Variants in RASSF4 observed in about 807,000 individuals in gnomAD.
RASSF4 encodes ras association domain-containing protein 4.
RASSF4 carries 38 observed loss-of-function variants against 41.1 expected under a neutral mutation model. That is an observed-to-expected ratio of 0.92 (90% CI 0.71 to 1.21). The LOEUF (loss-of-function observed/expected upper bound fraction) is 1.21. Ranked by LOEUF, RASSF4 falls within the 50% of genes most tolerant of loss-of-function variation. The pLI is 0.00. For missense variants in RASSF4, 414 were observed against 419.4 expected (o/e 0.99, Z 0.11); for synonymous variants, 179 against 163.4 (o/e 1.10, Z -0.73).
intron 1 of RASSF4, among the ~76,000 whole-genome samples, chr10:44,969,822 C>A (rs1422205580): frequency 6.6e-6 from 1 of 152,200 alleles, no homozygotes; most frequent in Non-Finnish European, 1.5e-5. Flanking sequence ...GCAACCGAGG[C>A]AGAAGCCAGT....
intron 1 of RASSF4, among the ~76,000 whole-genome samples, chr10:44,961,046 G>A (rs563249697): frequency 3.3e-5 from 5 of 152,194 alleles, no homozygotes; most frequent in Admixed American, 2.0e-4. Context: ...GGAGAAAGAG[G>A]AAGGGAGGGA....
chr10:44,977,410 C>T (rs764926930), intron 3 of RASSF4: 23 of 1,588,492 alleles, frequency 1.4e-5, no homozygotes, highest in Admixed American at 1.4e-4. Flanking sequence ...CATGGATCAC[C>T]GGGAGGTGCG....
chr10:44,971,165 G>T (rs1841139384), intron 2 of RASSF4: 2 of 305,706 alleles, frequency 6.5e-6, no homozygotes, highest in South Asian at 5.6e-5. Context: ...TCAGGCAGCT[G>T]TCCAGGCCTC....
In RASSF4 at chr10:44,984,866, G is replaced by A. The variant is rs377064821; in HGVS notation, c.427G>A (p.Ala143Thr). 8.8e-5 allele frequency: 142 copies of A among 1,613,656 alleles called. No homozygotes were observed. The South Asian group carries it at 1.2e-3, about 14-fold the overall frequency. Residue 143 changes from alanine (A) to threonine (T), a missense_variant, in exon 6 of 11, where the codon GCC becomes ACC. By Grantham distance (58) the Ala-to-Thr change is moderately conservative. Coordinates refer to ENST00000340258, the MANE Select transcript of RASSF4 (RefSeq NM_032023.4). ...CCAGCTGATGCGGACCAAGAGCGAC[G>A]CCAGTTGCATGAGCCAGAGGAGGCC... ...APQLMRTKSD[A>T]SCMSQRRPKC...
intron 1 of RASSF4, among the ~76,000 whole-genome samples, chr10:44,968,575 TGA>T (rs1278959795): frequency 1.3e-5 from 2 of 152,176 alleles, no homozygotes; most frequent in Non-Finnish European, 2.9e-5. Context: ...CATGCAGGGC[TGA>T]TGCTAGCACA....
chr10:44,972,293 T>C (rs1489064483), intron 3 of RASSF4, among the ~76,000 whole-genome samples: 1 of 152,144 alleles, frequency 6.6e-6, no homozygotes, highest in Admixed American at 6.5e-5. Context: ...TACTCTCATT[T>C]GTAAAGTGGG....
chr10:44,984,430 C>T (rs1841840249), intron 5 of RASSF4: 3 of 490,216 alleles, frequency 6.1e-6, no homozygotes, highest in Non-Finnish European at 1.1e-5. Context: ...CCTCACCTCC[C>T]TCTGCGACCT....
chr10:44,970,020 G>T, intron 1 of RASSF4, 145 bp from the exon 2 acceptor site: 1 of 621,392 alleles, frequency 1.6e-6, no homozygotes, highest in Non-Finnish European at 2.9e-6. Context: ...GTCTGGGCCA[G>T]ACCCTTTCAG....
chr10:44,976,020 C>G (rs1199084259), intron 3 of RASSF4: 1 of 152,204 alleles, frequency 6.6e-6, no homozygotes. Context: ...CTGGATCTCT[C>G]CCGAGGATGA....
In RASSF4 at chr10:44,982,541, C is replaced by T. The variant is rs756225138; in HGVS notation, c.159C>T (p.Ile53=). 10 of 1,611,918 alleles carry T rather than the reference C, an allele frequency of 6.2e-6. No homozygotes were observed. Among genetic ancestry groups the T allele is most frequent in the African/African-American group, 1.3e-5 (1 of 74,908 alleles). Residue 53 remains isoleucine (I), a synonymous_variant, in exon 4 of 11, where the codon ATC becomes ATT. Coordinates refer to ENST00000340258, the MANE Select transcript of RASSF4 (RefSeq NM_032023.4). ...CACAGGAAGAAGGGACTCTGATCAT[C>T]GAGGGGCTCCTCAACATTGCCTGGG... is the stretch of plus-strand genomic sequence containing the variant. The part of the protein sequence containing the change: ...RHREEEGTLI[I]EGLLNIAWGL...
chr10:44,982,494 G>A, intron 3 of RASSF4, 27 bp from the exon 4 acceptor site: 9 of 1,606,540 alleles, frequency 5.6e-6, no homozygotes, highest in Non-Finnish European at 7.7e-6. Context: ...TGCTCTGGGG[G>A]AAGGGCTGAT....
At chr10:44,970,839 AG>A (rs1327253643) in intron 2 of RASSF4, 4 of 154,910 alleles carry the variant, frequency 2.6e-5, no homozygotes, top group African/African-American at 9.6e-5. Flanking sequence ...TGGCGAAAGC[AG>A]GAGCAAGAGA....
chr10:44,991,358 G>A (rs975809356), intron 9 of RASSF4: 1 of 312,556 alleles, frequency 3.2e-6, no homozygotes, highest in Non-Finnish European at 5.9e-6. Flanking sequence ...AATGTATTTT[G>A]TTGTCATTAT....
intron 3 of RASSF4, among the ~76,000 whole-genome samples, chr10:44,972,204 A>G (rs1365655695): frequency 2.0e-5 from 3 of 151,992 alleles, no homozygotes; most frequent in African/African-American, 7.3e-5. Context: ...TCAGCGGACA[A>G]GAGGAGTCAG....
At chr10:44,980,791 C>G (rs1841676479) in intron 3 of RASSF4, 1 of 152,406 alleles carries the variant, frequency 6.6e-6, no homozygotes, top group Admixed American at 6.5e-5. Context: ...GCCATCCCCA[C>G]AAGCTCTCTC....
At chr10:44,993,220 C>A in intron 10 of RASSF4, 49 bp from the exon 11 acceptor site, 1 of 1,565,738 alleles carries the variant, frequency 6.4e-7, no homozygotes, top group East Asian at 2.2e-5. Flanking sequence ...TGCCCACCTC[C>A]CTGCCCTGTC....
chr10:44,967,440 A>C (rs1840946434), intron 1 of RASSF4, among the ~76,000 whole-genome samples: 5 of 152,174 alleles, frequency 3.3e-5, no homozygotes. Context: ...CCAGCCAGCC[A>C]CCTTTCAGTA....
intron 1 of RASSF4, among the ~76,000 whole-genome samples, chr10:44,962,245 C>T (rs1436566422): frequency 1.3e-5 from 2 of 152,244 alleles, no homozygotes; most frequent in African/African-American, 4.8e-5. Flanking sequence ...TCCTCTGCCT[C>T]CTCTTTCTTG....
chr10:44,975,997 G>A (rs1001450998), intron 3 of RASSF4: 1 of 152,050 alleles, frequency 6.6e-6, no homozygotes, highest in Middle Eastern at 3.4e-3. Context: ...CTCTGCCTTG[G>A]TGGGTGGGCC....
Sources: gnomAD v4.1 joint callset for allele counts (sites outside exome capture counted in the v4.1 genomes callset) on GRCh38, gnomAD v4.1.1 for gene constraint, MANE v1.5 for transcripts, NCBI Gene and HGNC (gene_info 2026-07-23, HGNC 2026-07-21) for gene names.